Variants in MYO6 observed in about 807,000 individuals in gnomAD.
MYO6 encodes the protein myosin VI.
MYO6 carries 74 observed loss-of-function variants against 178.7 expected under a neutral mutation model. That is an observed-to-expected ratio of 0.41 (90% CI 0.34 to 0.50). The LOEUF is 0.50. MYO6 is among the 20% of genes least tolerant of loss of function. The probability of loss-of-function intolerance (pLI) is 0.09; values close to 1 mark genes in which losing one functional copy is unlikely to be tolerated. For synonymous variants in MYO6, 477 were observed against 504.6 expected (o/e 0.95, Z 0.73); for missense variants, 1,330 against 1,547.4 (o/e 0.86, Z 2.36).
intron 11 of MYO6, among the ~76,000 whole-genome samples, chr6:75,852,109 G>GTT (rs10707651): frequency 3.5e-5 from 5 of 144,398 alleles, no homozygotes; most frequent in African/African-American, 1.3e-4. Flanking sequence ...TAAAAATCCT[G>GTT]TTTTTTTTTT....
intron 33 of MYO6, 148 bp from the exon 34 acceptor site, chr6:75,913,915 G>T (rs1412438397): frequency 1.5e-6 from 1 of 665,334 alleles, no homozygotes; most frequent in East Asian, 2.7e-5. Flanking sequence ...TTATTAATTT[G>T]TAGGCAATAA....
At chr6:75,784,776 CAAAAAAAAAAA>C (rs754218278) in intron 1 of MYO6, among the ~76,000 whole-genome samples, 1 of 54,408 alleles carries the variant, frequency 1.8e-5, no homozygotes, top group Non-Finnish European at 3.9e-5. Flanking sequence ...GACTCCGTCT[CAAAAAAAAAAA>C]AAAAAAAAAA....
At chr6:75,826,043 A>G (rs574467137) in intron 3 of MYO6, among the ~76,000 whole-genome samples, 1 of 152,210 alleles carries the variant, frequency 6.6e-6, no homozygotes, top group Non-Finnish European at 1.5e-5. Context: ...AGCCAAGCCA[A>G]GTAATCCTAG....
In MYO6 at chr6:75,915,942, G is replaced by T. The variant is rs555952286; in HGVS notation, c.*930G>T. The T allele has an allele frequency of 6.6e-6, 1 of 152,626 alleles. No homozygotes were observed. The highest frequency in any genetic ancestry group is 1.5e-5 in the Non-Finnish European group (1 of 67,992). The allele number at this position is 152,626 out of a possible 1,614,324, so 9.5% of individuals were successfully genotyped here. ...CTGCTTCCAACATCTTTCTTTTTAA[G>T]AAATTCCTAGTGTCTTTTTTGGCCT... is the stretch of plus-strand genomic sequence containing the variant. On this transcript the variant is annotated 3_prime_UTR_variant, in exon 35 of 35. Transcript: ENST00000369977.
intron 10 of MYO6, among the ~76,000 whole-genome samples, chr6:75,846,684 C>T (rs1774757193): frequency 6.6e-6 from 1 of 151,994 alleles, no homozygotes; most frequent in East Asian, 1.9e-4. Flanking sequence ...ATTCCTTTCA[C>T]TAAGATAATG....
At chr6:75,838,854 G>T (rs1773919276) in intron 7 of MYO6, among the ~76,000 whole-genome samples, 1 of 151,888 alleles carries the variant, frequency 6.6e-6, no homozygotes, top group East Asian at 1.9e-4. Flanking sequence ...TAGAGACGGG[G>T]TTTCACCATG....
At chr6:75,903,233 C>A (rs1779971007) in intron 30 of MYO6, among the ~76,000 whole-genome samples, 2 of 151,762 alleles carry the variant, frequency 1.3e-5, no homozygotes, top group Admixed American at 6.6e-5. Flanking sequence ...CTGTAGATGT[C>A]TATTAGGTCC....
chr6:75,796,680 C>G (rs1024036345), intron 1 of MYO6, among the ~76,000 whole-genome samples: 5 of 145,832 alleles, frequency 3.4e-5, no homozygotes, highest in Non-Finnish European at 7.5e-5. Flanking sequence ...ATTGCCCATG[C>G]TGGTCTTGAA....
rs765524638 is a variant in MYO6 at position 75,881,853 on chromosome 6, A to C, written c.2416+35A>C. The C allele has an allele frequency of 6.8e-6, 11 of 1,610,480 alleles. No individual in the cohort carries two copies. In the Admixed American group the frequency reaches 1.8e-4, roughly 27 times the overall value. On this transcript the variant is annotated intron_variant, in intron 23 of 34. Transcript: ENST00000369977. ...TTCCTTTACACCTATAGGATCTTTC[A>C]TTGTTTCAAGATGGTTTGTGGAGTG...
chr6:75,884,881 G>A (rs189509710), intron 23 of MYO6, among the ~76,000 whole-genome samples: 30 of 152,290 alleles, frequency 2.0e-4, no homozygotes, highest in Admixed American at 1.4e-3. Context: ...AGCAATTTGA[G>A]GAGGTTCAGA....
At chr6:75,767,986 C>G (rs1778584046) in intron 1 of MYO6, 1 of 152,172 alleles carries the variant, frequency 6.6e-6, no homozygotes, top group Non-Finnish European at 1.5e-5. Flanking sequence ...TCAAGTGATT[C>G]TCCTGCCTCA....
chr6:75,754,024 T>C (rs954975026), intron 1 of MYO6, among the ~76,000 whole-genome samples: 4 of 152,152 alleles, frequency 2.6e-5, no homozygotes, highest in Non-Finnish European at 5.9e-5. Context: ...CTGGCATCTT[T>C]AGAAATCTTG....
At position 75,904,400 on chromosome 6, in the gene MYO6, C is replaced by T. The variant is rs1780093357; in HGVS notation, c.3177-3205C>T. Among the ~76,000 whole-genome samples the T allele has an allele frequency of 4.0e-5, 6 of 150,764 alleles. 1 individual carries two copies. In the South Asian group the frequency reaches 1.3e-3, roughly 32 times the overall value. On this transcript the variant is annotated intron_variant, in intron 30 of 34. Transcript: ENST00000369977. ...TAGATTTGGTCTTTTCACATAGTCC[C>T]ATATTTCTTGGAGTCTTTGTTCGTT...
rs1780523825 is a variant in MYO6 at position 75,908,567 on chromosome 6, A to C, written c.3352A>C (p.Lys1118Gln). The change falls in exon 32 of 35, where the codon AAG becomes CAG. Residue 1118 changes from lysine to glutamine, a missense_variant. Physicochemically the swap from Lys to Gln is moderately conservative, Grantham distance 53 (BLOSUM62 1). Transcript: ENST00000369977. ...RLKVYHAWKS[K>Q]NKKRNTETEQ... ...AAAAGTGTATCATGCTTGGAAATCT[A>C]AGAACAAGAAGAGAAATACTGAAAC... The C allele has an allele frequency of 6.2e-7, 1 of 1,613,464 alleles. No homozygotes were observed. The highest frequency in any genetic ancestry group is 1.3e-5 in the African/African-American group (1 of 74,890).
chr6:75,781,967 G>A (rs147369225), intron 1 of MYO6, among the ~76,000 whole-genome samples: 4 of 150,236 alleles, frequency 2.7e-5, no homozygotes, highest in East Asian at 3.9e-4. Context: ...GGGGAGTGGC[G>A]TGTCACCTAA....
rs370647728 is a variant in MYO6 at position 75,753,455 on chromosome 6, G to GTGTGTATATATATATATATATA, written c.-48+4033_-48+4034insGTGTATATATATATATATATAT. 8.5e-4 allele frequency among the ~76,000 whole-genome samples: 119 copies of GTGTGTATATATATATATATATA among 140,016 alleles called. 1 individual carries two copies. Among genetic ancestry groups the GTGTGTATATATATATATATATA allele is most frequent in the African/African-American group, 3.1e-3 (117 of 37,204 alleles). 91.9% of individuals were successfully genotyped at this position (140,016 alleles called of 152,430 possible). ...ATGATCTATATATGTGTGTGTGTGT[G>GTGTGTATATATATATATATATA]TATATATATATATATATATATATAT... is the stretch of plus-strand genomic sequence containing the variant. On this transcript the variant is annotated intron_variant, in intron 1 of 34. Coordinates refer to ENST00000369977, the MANE Select transcript of MYO6 (RefSeq NM_004999.4).
intron 33 of MYO6, among the ~76,000 whole-genome samples, chr6:75,912,713 G>A (rs1006460678): frequency 6.6e-6 from 1 of 152,068 alleles, no homozygotes; most frequent in Admixed American, 6.5e-5. Context: ...TTTTGAATTA[G>A]TACATTTTCA....
chr6:75,885,289 T>A (rs1455484773), intron 23 of MYO6, among the ~76,000 whole-genome samples: 1 of 151,876 alleles, frequency 6.6e-6, no homozygotes, highest in Non-Finnish European at 1.5e-5. Flanking sequence ...ATCCTAGCAC[T>A]TTGGGAGGCT....
At chr6:75,798,753 A>G (rs1175517129) in intron 1 of MYO6, among the ~76,000 whole-genome samples, 1 of 152,226 alleles carries the variant, frequency 6.6e-6, no homozygotes. Context: ...TGGAAGTCCT[A>G]GCCAGAGCAG....
Sources: gnomAD v4.1 joint callset for allele counts (sites outside exome capture counted in the v4.1 genomes callset) on GRCh38, gnomAD v4.1.1 for gene constraint, MANE v1.5 for transcripts, NCBI Gene and HGNC (gene_info 2026-07-23, HGNC 2026-07-21) for gene names.